GALC: variants seen among roughly 807,000 people sequenced by gnomAD.
The protein encoded by GALC is galactosylceramidase.
GALC carries 77 observed loss-of-function variants against 91.8 expected under a neutral mutation model. The observed-to-expected ratio is 0.84, with a 90% CI of 0.70 to 1.01. The LOEUF (loss-of-function observed/expected upper bound fraction) is 1.01. GALC is among the 50% of genes least tolerant of loss of function. GALC has a pLI of 0.00. For synonymous variants in GALC, 357 were observed against 306.7 expected (o/e 1.16, Z -1.71); for missense variants, 882 against 855.9 (o/e 1.03, Z -0.38).
intron 4 of GALC, 31 bp from the exon 5 acceptor site, chr14:87,984,564 A>AGG: frequency 6.2e-7 from 1 of 1,613,726 alleles, no homozygotes; most frequent in Non-Finnish European, 8.5e-7. Flanking sequence ...GCAAAGGTAG[A>AGG]GGAGGTATAA....
intron 10 of GALC, chr14:87,952,514 C>T (rs887369454): frequency 1.4e-6 from 1 of 692,772 alleles, no homozygotes; most frequent in African/African-American, 1.8e-5. Flanking sequence ...TTGAGAACCA[C>T]CCAGCCTAGT....
At chr14:87,968,579 A>C (rs1266592872) in intron 7 of GALC, 89 bp from the exon 8 acceptor site, 1 of 1,262,804 alleles carries the variant, frequency 7.9e-7, no homozygotes, top group Admixed American at 1.8e-5. Context: ...TAAAAATACG[A>C]GTCTTCTCCA....
chr14:87,964,567 A>G (rs1035966004), intron 9 of GALC, among the ~76,000 whole-genome samples: 1 of 152,180 alleles, frequency 6.6e-6, no homozygotes. Context: ...CTCATGAAAA[A>G]GTGACACTAT....
chr14:87,962,884 C>T (rs899412131), intron 10 of GALC, among the ~76,000 whole-genome samples: 13 of 152,092 alleles, frequency 8.5e-5, no homozygotes, highest in African/African-American at 3.1e-4. Flanking sequence ...TCATTCAGTT[C>T]CCTTGAATCC....
At chr14:87,986,864 A>G in intron 3 of GALC, 1 of 486,736 alleles carries the variant, frequency 2.1e-6, no homozygotes, top group Non-Finnish European at 3.8e-6. Context: ...ACTGAGAGAA[A>G]TGTTATCACC....
At chr14:87,976,220 T>C (rs1343721026) in intron 7 of GALC, 138 bp downstream of exon 7, 13 of 823,842 alleles carry the variant, frequency 1.6e-5, no homozygotes, top group East Asian at 1.0e-4. Context: ...CTATGAGCCA[T>C]GCATGCTTCA....
rs576398925 is a variant in GALC at position 87,968,832 on chromosome 14, A to T, written c.753-342T>A. On this transcript the variant is annotated intron_variant, in intron 7 of 16. Transcript: ENST00000261304. ...AAGGATGGAGGTAGCAGAGAGGGCC[A>T]CAGCCTAGAACACTCCAAGAGGAGA... 1.5e-3 allele frequency among the ~76,000 whole-genome samples: 226 copies of T among 152,326 alleles called. 1 individual carries two copies. The highest frequency in any genetic ancestry group is 4.8e-3 in the African/African-American group (200 of 41,572).
At chr14:87,943,779 A>C (rs1288960677) in intron 14 of GALC, among the ~76,000 whole-genome samples, 1 of 152,040 alleles carries the variant, frequency 6.6e-6, no homozygotes, top group East Asian at 1.9e-4. Context: ...CAGACAACAG[A>C]AATGAACAAG....
chr14:87,970,875 CA>C (rs557589251), intron 7 of GALC, among the ~76,000 whole-genome samples: 109 of 62,938 alleles, frequency 1.7e-3, no homozygotes, highest in South Asian at 0.013. Flanking sequence ...GACTCTGTCT[CA>C]AAAAAAAAAA....
At position 87,933,288 on chromosome 14, in the gene GALC, A is replaced by G. The variant is rs193250333; in HGVS notation, c.*1444T>C. ...AATGGCTGCCAACAATTGGGAGTGA[A>G]AGGAACTGACTGAGCAGGTATACAA... On this transcript the variant is annotated 3_prime_UTR_variant, in exon 17 of 17. Coordinates refer to ENST00000261304, the MANE Select transcript of GALC (RefSeq NM_000153.4). 270 of 152,682 alleles carry G rather than the reference A, an allele frequency of 1.8e-3. 4 individuals carry two copies. The highest frequency in any genetic ancestry group is 1.1e-3 in the Non-Finnish European group (75 of 68,014). The allele number at this position is 152,682 out of a possible 1,614,324, so 9.5% of individuals were successfully genotyped here.
At chr14:87,992,720 A>G in intron 1 of GALC, 3 of 1,428,244 alleles carry the variant, frequency 2.1e-6, no homozygotes, top group Non-Finnish European at 2.7e-6. Context: ...CTCTGCACCT[A>G]TACTCTCTGG....
In GALC at chr14:87,933,481, C is replaced by T. The variant is rs1884447061; in HGVS notation, c.*1251G>A. The T allele has an allele frequency of 6.5e-6, 1 of 152,816 alleles. No individual in the cohort carries two copies. Among genetic ancestry groups the T allele is most frequent in the Non-Finnish European group, 1.5e-5 (1 of 68,208 alleles). 9.5% of individuals were successfully genotyped at this position (152,816 alleles called of 1,614,324 possible). Reference sequence around the variant, plus strand: ...TCGTTTTAAAAAATATTAGATACATCAGCTGGAAATCACTTGGTTTTAACA... The same window carrying T: ...TCGTTTTAAAAAATATTAGATACATTAGCTGGAAATCACTTGGTTTTAACA... On this transcript the variant is annotated 3_prime_UTR_variant, in exon 17 of 17. Coordinates refer to ENST00000261304, the MANE Select transcript of GALC (RefSeq NM_000153.4).
chr14:87,993,040 G>T lies in GALC; in HGVS notation c.125C>A (p.Ala42Glu). 1 of 1,554,030 alleles carries T rather than the reference G, an allele frequency of 6.4e-7. No homozygotes were observed. The highest frequency in any genetic ancestry group is 1.2e-5 in the South Asian group (1 of 85,134). Residue 42 changes from alanine to glutamate, a missense_variant, in exon 1 of 17, where the codon GCG becomes GAG. By Grantham distance (107) the Ala-to-Glu change is moderately radical. Transcript: ENST00000261304. ...CCCGTCGGAGTCGTCGAGCACGTAC[G>T]CGCCGCCGGGCGCCAGCAGCGCACA... is the stretch of plus-strand genomic sequence containing the variant. ...LLCALLAPGG[A>E]YVLDDSDGLG...
At chr14:87,984,332 A>C (rs1886877215) in intron 5 of GALC, 62 bp downstream of exon 5, 1 of 1,525,248 alleles carries the variant, frequency 6.6e-7, no homozygotes, top group African/African-American at 1.4e-5. Flanking sequence ...ACAGAATCAA[A>C]TTATTTTCTA....
At chr14:87,985,969 T>G (rs1165513592) in intron 4 of GALC, among the ~76,000 whole-genome samples, 1 of 152,146 alleles carries the variant, frequency 6.6e-6, no homozygotes, top group Non-Finnish European at 1.5e-5. Context: ...GTTCAAAAAC[T>G]AACTAATAAA....
chr14:87,975,501 T>C (rs1886457399), intron 7 of GALC, among the ~76,000 whole-genome samples: 1 of 152,106 alleles, frequency 6.6e-6, no homozygotes, highest in Non-Finnish European at 1.5e-5. Context: ...ACAGTAATAT[T>C]TTTATGGAAG....
chr14:87,974,734 G>A (rs1886426409), intron 7 of GALC, among the ~76,000 whole-genome samples: 1 of 151,342 alleles, frequency 6.6e-6, no homozygotes, highest in African/African-American at 2.4e-5. Flanking sequence ...TTTTTAATAA[G>A]CTCCTGAGAA....
In GALC at chr14:87,947,862, C is replaced by G. The variant is rs1057520151; in HGVS notation, c.1355G>C (p.Gly452Ala). 1 of 1,612,216 alleles carries G rather than the reference C, an allele frequency of 6.2e-7. No homozygotes were observed. The highest frequency in any genetic ancestry group is 1.3e-5 in the African/African-American group (1 of 74,746). ...TTCATGCAGGCTCAGTGTGAAACTG[C>G]CATCGCTGTCAAGGAGCTGAAAAAG... ...LDSLWLLDSD[G>A]SFTLSLHEDE... The change falls in exon 13 of 17, where the codon GGC becomes GCC. Residue 452 changes from glycine to alanine, a missense_variant. Gly to Ala is a moderately conservative substitution (Grantham distance 60). Transcript: ENST00000261304.
chr14:87,991,500 C>G (rs577346613), intron 1 of GALC, among the ~76,000 whole-genome samples: 23 of 152,218 alleles, frequency 1.5e-4, no homozygotes, highest in Non-Finnish European at 3.2e-4. Flanking sequence ...CCGTGCCCGG[C>G]CCTACATTCT....
Sources: allele counts gnomAD v4.1 joint callset (sites outside exome capture counted in the v4.1 genomes callset), GRCh38; gene constraint gnomAD v4.1.1; transcripts MANE v1.5; gene names NCBI Gene and HGNC (gene_info 2026-07-23, HGNC 2026-07-21).